CHD2: variants seen among roughly 807,000 people sequenced by gnomAD.
CHD2 encodes the protein ATP-dependent chromatin remodeler CHD2.
A neutral mutation model predicts 243.9 loss-of-function variants in CHD2; 28 were observed. That is an observed-to-expected ratio of 0.11 (90% CI 0.09 to 0.16). The LOEUF is 0.16. Among genes scored for constraint, CHD2 ranks in the 10% least tolerant of loss-of-function variants. CHD2 has a pLI of 1.00. For synonymous variants in CHD2, 775 were observed against 779.0 expected (o/e 0.99, Z 0.09); for missense variants, 1,386 against 2,209.8 (o/e 0.63, Z 7.47).
chr15:92,912,160 C>T (rs575737836), intron 2 of CHD2, among the ~76,000 whole-genome samples: 1 of 151,508 alleles, frequency 6.6e-6, no homozygotes, highest in Non-Finnish European at 1.5e-5. Flanking sequence ...TTTTTTTGTT[C>T]GAAACTTAGT....
intron 3 of CHD2, among the ~76,000 whole-genome samples, chr15:92,926,922 G>C (rs1596381594): frequency 6.6e-6 from 1 of 152,172 alleles, no homozygotes; most frequent in African/African-American, 2.4e-5. Flanking sequence ...AATTTAAAAT[G>C]TATCAGTAAA....
chr15:92,984,094 G>A (rs948600026), intron 24 of CHD2, among the ~76,000 whole-genome samples: 2 of 152,110 alleles, frequency 1.3e-5, no homozygotes, highest in African/African-American at 4.8e-5. Flanking sequence ...TTGTATCTTT[G>A]TAGCTGTTTC....
intron 5 of CHD2, 114 bp downstream of exon 5, chr15:92,929,205 T>C (rs1191251696): frequency 1.3e-5 from 12 of 918,966 alleles, no homozygotes; most frequent in Non-Finnish European, 1.8e-5. Context: ...TCTGCTTCTG[T>C]CTCTCTTACT....
chr15:92,946,353 T>A lies in CHD2; in HGVS notation c.1377+137T>A, dbSNP rs527597480. ...GAAGTGAAAGAAGGTGATTTAAATA[T>A]GACATTAAAGCAAAAGGAGAGAATG... On this transcript the variant is annotated intron_variant, in intron 12 of 38. Transcript: ENST00000394196. 2.5e-5 allele frequency: 16 copies of A among 631,202 alleles called. No homozygotes were observed. In the African/African-American group the frequency reaches 2.9e-4, roughly 12 times the overall value. 39.1% of individuals were successfully genotyped at this position (631,202 alleles called of 1,614,324 possible). A position where few individuals can be genotyped will look rare whatever the true frequency, so the allele number is the denominator to read the frequency against.
At chr15:92,978,428 C>T (rs1318016180) in intron 21 of CHD2, 45 bp downstream of exon 21, 1 of 1,584,570 alleles carries the variant, frequency 6.3e-7, no homozygotes, top group Non-Finnish European at 8.6e-7. Flanking sequence ...GGTTGGGGGC[C>T]AGGGGGCTTG....
intron 3 of CHD2, among the ~76,000 whole-genome samples, chr15:92,925,035 A>T (rs1485524222): frequency 2.0e-5 from 3 of 152,128 alleles, no homozygotes; most frequent in African/African-American, 4.8e-5. Flanking sequence ...TTCTGACCTC[A>T]GGTGATCCAC....
At chr15:92,973,838 C>T (rs1460828576) in intron 19 of CHD2, among the ~76,000 whole-genome samples, 3 of 152,152 alleles carry the variant, frequency 2.0e-5, no homozygotes, top group Non-Finnish European at 4.4e-5. Flanking sequence ...TATTAAAAGG[C>T]GGCATTAGGT....
chr15:92,912,847 GC>G (rs1292082931), intron 2 of CHD2, among the ~76,000 whole-genome samples: 2 of 152,242 alleles, frequency 1.3e-5, no homozygotes, highest in Admixed American at 6.5e-5. Context: ...ACTGCGCCAG[GC>G]CCTGACAAAC....
intron 32 of CHD2, among the ~76,000 whole-genome samples, chr15:93,001,379 A>G (rs916191881): frequency 2.0e-5 from 3 of 152,170 alleles, no homozygotes; most frequent in Admixed American, 6.5e-5. Context: ...AGTTGGTATC[A>G]TTTAGTGTGC....
chr15:92,948,374 A>G (rs2053504150), intron 12 of CHD2, among the ~76,000 whole-genome samples: 1 of 152,200 alleles, frequency 6.6e-6, no homozygotes, highest in African/African-American at 2.4e-5. Flanking sequence ...ACTGCCATAT[A>G]ATAGACAAGA....
chr15:92,998,272 T>G lies in CHD2; in HGVS notation c.3886-227T>G. On this transcript the variant is annotated intron_variant, in intron 30 of 38. Transcript: ENST00000394196. The surrounding 1 kb of genome is among the most constrained non-coding windows in gnomAD (Gnocchi z 5.1). ...CTGTTAACAGCACAGGTAGGAGCCATTGGGAGAGCTGGATTTCTCCATCCC... is the reference window on the plus strand; with the variant it reads ...CTGTTAACAGCACAGGTAGGAGCCAGTGGGAGAGCTGGATTTCTCCATCCC... The G allele has an allele frequency of 2.3e-6, 3 of 1,279,598 alleles. No individual in the cohort carries two copies. Among genetic ancestry groups the G allele is most frequent in the Non-Finnish European group, 3.0e-6 (3 of 1,001,482 alleles). The allele number at this position is 1,279,598 out of a possible 1,614,324, so 79.3% of individuals were successfully genotyped here. A position where few individuals can be genotyped will look rare whatever the true frequency, so the allele number is the denominator to read the frequency against.
chr15:92,980,108 G>A (rs1283855947), intron 22 of CHD2, among the ~76,000 whole-genome samples: 5 of 151,686 alleles, frequency 3.3e-5, no homozygotes. Flanking sequence ...GCGCTGGCAC[G>A]ATCTTGGCTC....
chr15:93,027,406 G>C lies in CHD2; in HGVS notation c.*2701G>C, dbSNP rs912449679. On this transcript the variant is annotated 3_prime_UTR_variant, in exon 39 of 39. Transcript: ENST00000394196. ...ACACTATGGCCTTAGAAAAGGGCCA[G>C]GTGAAACCCCAAGCTAATCACTGCG... 1 of 152,250 alleles carries C rather than the reference G, an allele frequency of 6.6e-6. No individual in the cohort carries two copies. Among genetic ancestry groups the C allele is most frequent in the Non-Finnish European group, 1.5e-5 (1 of 68,050 alleles). 9.4% of individuals were successfully genotyped at this position (152,250 alleles called of 1,614,324 possible). A position where few individuals can be genotyped will look rare whatever the true frequency, so the allele number is the denominator to read the frequency against.
chr15:93,004,514 C>T (rs1433215882), intron 33 of CHD2, 103 bp from the exon 34 acceptor site: 3 of 1,073,582 alleles, frequency 2.8e-6, no homozygotes, highest in African/African-American at 1.6e-5. Flanking sequence ...AAACTGAGAC[C>T]ATCATATTTA....
intron 28 of CHD2, among the ~76,000 whole-genome samples, chr15:92,993,809 A>G (rs1417669177): frequency 1.3e-5 from 2 of 152,026 alleles, no homozygotes; most frequent in East Asian, 3.9e-4. Flanking sequence ...AGCCGAAAGT[A>G]GTAGGATGCA....
intron 16 of CHD2, among the ~76,000 whole-genome samples, chr15:92,961,579 A>AT (rs1248358535): frequency 2.6e-5 from 4 of 151,544 alleles, no homozygotes; most frequent in African/African-American, 9.7e-5. Context: ...TTTAAAATTT[A>AT]TTTTTTGTTA....
intron 13 of CHD2, among the ~76,000 whole-genome samples, chr15:92,949,672 T>TG (rs1403908370): frequency 1.3e-5 from 2 of 152,236 alleles, no homozygotes; most frequent in African/African-American, 4.8e-5. Flanking sequence ...AAGGTACTTT[T>TG]GGGAAGTACT....
intron 34 of CHD2, among the ~76,000 whole-genome samples, chr15:93,008,116 G>C (rs1074512): frequency 0.37 from 55,570 of 152,038 alleles, 11,213 homozygotes; most frequent in East Asian, 0.8. Flanking sequence ...TTTCCTCTGG[G>C]GCGGTCACAT....
Position 92,993,009 on chromosome 15 carries a change from T to A in CHD2, c.3595+11T>A. ...AAAATGCCAGCGAGGGTAAGCGAAG[T>A]TGGCTTTAGTGAGTCTTCGCAACCT... is the stretch of plus-strand genomic sequence containing the variant. On this transcript the variant is annotated intron_variant, in intron 28 of 38. Coordinates refer to ENST00000394196, the MANE Select transcript of CHD2 (RefSeq NM_001271.4). The A allele has an allele frequency of 6.2e-7, 1 of 1,612,908 alleles. No individual in the cohort carries two copies.
Sources: allele counts gnomAD v4.1 joint callset (sites outside exome capture counted in the v4.1 genomes callset), GRCh38; gene constraint gnomAD v4.1.1; non-coding constraint Gnocchi (gnomAD v3.1); transcripts MANE v1.5; gene names NCBI Gene and HGNC (gene_info 2026-07-23, HGNC 2026-07-21).